The following DIPK1A variants were observed in gnomAD, a reference collection of about 807,000 sequenced individuals.
DIPK1A encodes family with sequence similarity 69 member A.
In DIPK1A, 27 loss-of-function variants were observed where a neutral mutation model predicts 40.8. That is an observed-to-expected ratio of 0.66 (90% CI 0.49 to 0.91). DIPK1A has a LOEUF of 0.91. DIPK1A is among the 40% of genes least tolerant of loss of function. DIPK1A has a pLI of 0.00. For missense variants in DIPK1A, 412 were observed against 505.7 expected (o/e 0.81, Z 1.78); for synonymous variants, 166 against 171.3 (o/e 0.97, Z 0.24).
chr1:92,892,922 T>C (rs1249646355), intron 1 of DIPK1A, among the ~76,000 whole-genome samples: 3 of 151,914 alleles, frequency 2.0e-5, no homozygotes, highest in Non-Finnish European at 4.4e-5. Flanking sequence ...ATCAAATGAA[T>C]GAAATGAAGC....
At chr1:92,896,415 T>C (rs1649169042) in intron 1 of DIPK1A, among the ~76,000 whole-genome samples, 1 of 152,210 alleles carries the variant, frequency 6.6e-6, no homozygotes, top group African/African-American at 2.4e-5. Flanking sequence ...AAGGATTCCC[T>C]ATTTAATAAA....
chr1:92,948,955 C>A (rs1362730998), intron 1 of DIPK1A, among the ~76,000 whole-genome samples: 2 of 151,402 alleles, frequency 1.3e-5, no homozygotes, highest in Admixed American at 1.3e-4. Context: ...CAGATGACCA[C>A]CACCATACCC....
exon 5 of DIPK1A, chr1:92,832,952 C>G (rs1026005119): frequency 7.0e-6 from 5 of 712,850 alleles, no homozygotes; most frequent in Admixed American, 3.9e-5. Flanking sequence ...ATAGCGTGTT[C>G]CGAACAAACC....
intron 1 of DIPK1A, among the ~76,000 whole-genome samples, chr1:92,903,961 A>T (rs557063688): frequency 1.3e-5 from 2 of 152,352 alleles, no homozygotes; most frequent in African/African-American, 4.8e-5. Context: ...AGTTTTTAGA[A>T]GAGCCTAAAA....
chr1:92,910,035 A>G (rs1649770995), intron 1 of DIPK1A, among the ~76,000 whole-genome samples: 2 of 152,194 alleles, frequency 1.3e-5, no homozygotes, highest in Admixed American at 1.3e-4. Flanking sequence ...GGCTCCTTCC[A>G]TCTAAGAACC....
intron 1 of DIPK1A, among the ~76,000 whole-genome samples, chr1:92,942,300 G>A (rs1651184248): frequency 6.6e-6 from 1 of 152,168 alleles, no homozygotes; most frequent in African/African-American, 2.4e-5. Context: ...ATTATCTCAT[G>A]AGTCTTTCTA....
intron 1 of DIPK1A, among the ~76,000 whole-genome samples, chr1:92,881,326 C>A (rs1300074186): frequency 1.1e-3 from 122 of 112,746 alleles, no homozygotes; most frequent in Non-Finnish European, 1.3e-3. Context: ...GACTCTGTCT[C>A]AAAAAAAAAA....
At chr1:92,871,464 CTCTTTTAT>C (rs1255195567) in intron 2 of DIPK1A, among the ~76,000 whole-genome samples, 3 of 152,186 alleles carry the variant, frequency 2.0e-5, no homozygotes, top group Non-Finnish European at 4.4e-5. Context: ...TGCACCCGGC[CTCTTTTAT>C]TCTTTTATTA....
At chr1:92,920,984 G>C (rs1196526829) in intron 1 of DIPK1A, among the ~76,000 whole-genome samples, 1 of 152,116 alleles carries the variant, frequency 6.6e-6, no homozygotes, top group Non-Finnish European at 1.5e-5. Context: ...TGGAATACAG[G>C]CTGGGGGAAA....
intron 1 of DIPK1A, among the ~76,000 whole-genome samples, chr1:92,895,122 G>C (rs1470155970): frequency 5.3e-5 from 8 of 151,922 alleles, no homozygotes; most frequent in African/African-American, 1.5e-4. Context: ...CCAATCAATA[G>C]AAAAAGAGGG....
intron 4 of DIPK1A, chr1:92,846,058 A>T (rs549578454): frequency 6.4e-6 from 1 of 156,498 alleles, no homozygotes; most frequent in Non-Finnish European, 1.4e-5. Context: ...AAAAATCCCC[A>T]GGCCTCCTGG....
At chr1:92,951,119 T>C (rs534276423) in intron 1 of DIPK1A, among the ~76,000 whole-genome samples, 1 of 152,222 alleles carries the variant, frequency 6.6e-6, no homozygotes, top group East Asian at 1.9e-4. Context: ...ATAGAGATTA[T>C]CCTGGATTAT....
At chr1:92,876,244 A>T in intron 2 of DIPK1A, 52 bp downstream of exon 2, 1 of 1,171,646 alleles carries the variant, frequency 8.5e-7, no homozygotes, top group Non-Finnish European at 1.2e-6. Context: ...TAAGCAGTAA[A>T]TATAGTGTTA....
rs142261326 is a variant in DIPK1A at position 92,843,309 on chromosome 1, C to T, written c.*74G>A. The T allele has an allele frequency of 6.9e-7, 1 of 1,454,402 alleles. No homozygotes were observed. The highest frequency in any genetic ancestry group is 1.5e-5 in the South Asian group (1 of 65,434). 90.1% of individuals were successfully genotyped at this position (1,454,402 alleles called of 1,614,324 possible). A position where few individuals can be genotyped will look rare whatever the true frequency, so the allele number is the denominator to read the frequency against. On this transcript the variant is annotated 3_prime_UTR_variant, in exon 5 of 5. Coordinates refer to ENST00000370310, the MANE Select transcript of DIPK1A (RefSeq NM_001006605.5). ...TGTGTAACTGGCCGGAATTTGAAGC[C>T]ATTTTTTTTTAATGCTCAAAATTGT... is the stretch of plus-strand genomic sequence containing the variant.
intron 4 of DIPK1A, among the ~76,000 whole-genome samples, chr1:92,835,847 A>T (rs912099284): frequency 2.0e-5 from 3 of 152,148 alleles, no homozygotes; most frequent in African/African-American, 7.2e-5. Context: ...GTTGATGACA[A>T]CCCACTCATT....
chr1:92,928,501 T>C (rs528545052), intron 1 of DIPK1A, among the ~76,000 whole-genome samples: 1 of 152,358 alleles, frequency 6.6e-6, no homozygotes, highest in African/African-American at 2.4e-5. Context: ...AAGATATGAG[T>C]TACCAGTTAG....
chr1:92,910,790 A>AT (rs1649799246), intron 1 of DIPK1A, among the ~76,000 whole-genome samples: 1 of 152,064 alleles, frequency 6.6e-6, no homozygotes, highest in African/African-American at 2.4e-5. Context: ...CAATCTACTG[A>AT]TTTTATTCAG....
intron 2 of DIPK1A, among the ~76,000 whole-genome samples, chr1:92,867,969 T>C (rs548304081): frequency 8.5e-5 from 13 of 152,312 alleles, no homozygotes; most frequent in African/African-American, 2.9e-4. Flanking sequence ...GGGGTACTTG[T>C]CTCAGATCAA....
intron 4 of DIPK1A, among the ~76,000 whole-genome samples, chr1:92,834,204 A>G (rs886842398): frequency 1.3e-5 from 2 of 152,238 alleles, no homozygotes; most frequent in South Asian, 4.1e-4. Context: ...ATATGGCCTT[A>G]TATGCCACTT....
Sources: gnomAD v4.1 joint callset for allele counts (sites outside exome capture counted in the v4.1 genomes callset) on GRCh38, gnomAD v4.1.1 for gene constraint, MANE v1.5 for transcripts, NCBI Gene and HGNC (gene_info 2026-07-23, HGNC 2026-07-21) for gene names.